The following DEPDC1B variants were observed in gnomAD, a reference collection of about 807,000 sequenced individuals.
DEPDC1B encodes DEP domain containing 1B.
DEPDC1B carries 51 observed loss-of-function variants against 66.5 expected under a neutral mutation model. That is an observed-to-expected ratio of 0.77 (90% CI 0.61 to 0.97). DEPDC1B has a LOEUF of 0.97. DEPDC1B is among the 50% of genes least tolerant of loss of function. The pLI is 0.00. For missense variants in DEPDC1B, 552 were observed against 637.1 expected (o/e 0.87, Z 1.44); for synonymous variants, 226 against 223.6 (o/e 1.01, Z -0.10).
intron 7 of DEPDC1B, among the ~76,000 whole-genome samples, chr5:60,634,417 A>AAAGG (rs1349287850): frequency 6.6e-6 from 1 of 152,222 alleles, no homozygotes; most frequent in Non-Finnish European, 1.5e-5. Context: ...TCATGCCTGT[A>AAAGG]ATCCCAGCAT....
At chr5:60,681,393 G>A (rs370846350) in intron 2 of DEPDC1B, among the ~76,000 whole-genome samples, 2 of 152,142 alleles carry the variant, frequency 1.3e-5, no homozygotes, top group Non-Finnish European at 2.9e-5. Flanking sequence ...AGACACCACT[G>A]GCATTGATTA....
chr5:60,694,561 T>C (rs146053697), intron 1 of DEPDC1B, among the ~76,000 whole-genome samples: 3 of 152,254 alleles, frequency 2.0e-5, no homozygotes, highest in Non-Finnish European at 4.4e-5. Context: ...CTAGATGTTA[T>C]CATTTCTTTC....
In DEPDC1B at chr5:60,687,196, T is replaced by C; in HGVS notation, c.80A>G (p.Lys27Arg). The C allele has an allele frequency of 3.7e-6, 6 of 1,612,776 alleles. No homozygotes were observed. The highest frequency in any genetic ancestry group is 5.1e-6 in the Non-Finnish European group (6 of 1,178,792). Residue 27 changes from lysine to arginine, a missense_variant, in exon 2 of 11, where the codon AAG (lysine) becomes AGG (arginine). Physicochemically the swap from Lys to Arg is conservative, Grantham distance 26 (BLOSUM62 2). Coordinates refer to ENST00000265036, the MANE Select transcript of DEPDC1B (RefSeq NM_018369.3). ...WNETVELFRAKMPLRKHRCRF... is the reference protein window; with the variant it reads ...WNETVELFRARMPLRKHRCRF... ...ACAGCGATGTTTCCGTAACGGCATC[T>C]TAGCACGAAAAAGCTCCACGGTCTC...
chr5:60,697,278 A>T (rs1489846082), intron 1 of DEPDC1B, among the ~76,000 whole-genome samples: 38 of 152,010 alleles, frequency 2.5e-4, no homozygotes, highest in Admixed American at 2.5e-3. Context: ...TTGGTGCTTT[A>T]GAAAAAGCAC....
At chr5:60,615,034 G>A (rs183076200) in intron 7 of DEPDC1B, among the ~76,000 whole-genome samples, 3 of 152,234 alleles carry the variant, frequency 2.0e-5, no homozygotes, top group South Asian at 4.2e-4. Context: ...GCTATTATGA[G>A]CAAAGTTATG....
intron 7 of DEPDC1B, among the ~76,000 whole-genome samples, chr5:60,607,967 A>G (rs1752343962): frequency 6.6e-6 from 1 of 152,178 alleles, no homozygotes; most frequent in Non-Finnish European, 1.5e-5. Context: ...TGTAGGCTAT[A>G]TCATTAAAGA....
chr5:60,664,272 A>G (rs1296101254), intron 2 of DEPDC1B, among the ~76,000 whole-genome samples: 2 of 152,242 alleles, frequency 1.3e-5, no homozygotes, highest in Non-Finnish European at 2.9e-5. Context: ...AAATTTATGT[A>G]GTGACAAAGG....
intron 3 of DEPDC1B, 79 bp downstream of exon 3, chr5:60,647,319 C>A: frequency 6.8e-7 from 1 of 1,481,336 alleles, no homozygotes; most frequent in South Asian, 1.5e-5. Flanking sequence ...CATAAAGGAC[C>A]ACAGAAAGAC....
At chr5:60,690,786 T>G (rs1754525332) in intron 1 of DEPDC1B, among the ~76,000 whole-genome samples, 1 of 152,068 alleles carries the variant, frequency 6.6e-6, no homozygotes, top group Non-Finnish European at 1.5e-5. Context: ...CCTTGGGTCA[T>G]GTTTTCCCTT....
chr5:60,629,121 T>C (rs575427866), intron 7 of DEPDC1B, among the ~76,000 whole-genome samples: 200 of 152,330 alleles, frequency 1.3e-3, no homozygotes, highest in African/African-American at 4.7e-3. Flanking sequence ...TCTGTACAGC[T>C]TCTCCGGGGA....
At chr5:60,602,875 C>T (rs1361043159) in intron 9 of DEPDC1B, among the ~76,000 whole-genome samples, 1 of 152,182 alleles carries the variant, frequency 6.6e-6, no homozygotes, top group African/African-American at 2.4e-5. Context: ...GGATTCATGG[C>T]TCTCATGCCA....
intron 7 of DEPDC1B, among the ~76,000 whole-genome samples, chr5:60,615,986 A>G (rs763948841): frequency 6.6e-6 from 1 of 152,194 alleles, no homozygotes; most frequent in Non-Finnish European, 1.5e-5. Context: ...CTGTTCACCA[A>G]TATCTGCTGT....
At chr5:60,617,835 A>C (rs557267137) in intron 7 of DEPDC1B, among the ~76,000 whole-genome samples, 10 of 152,310 alleles carry the variant, frequency 6.6e-5, no homozygotes, top group African/African-American at 2.4e-4. Flanking sequence ...CAGAATATAC[A>C]TTCTTCTCAG....
At chr5:60,697,576 T>TA (rs1245057708) in intron 1 of DEPDC1B, among the ~76,000 whole-genome samples, 1 of 152,174 alleles carries the variant, frequency 6.6e-6, no homozygotes, top group Non-Finnish European at 1.5e-5. Flanking sequence ...GGGAAACAAT[T>TA]ACAGACTTTA....
chr5:60,680,051 A>C (rs1009760296), intron 2 of DEPDC1B, among the ~76,000 whole-genome samples: 7 of 152,172 alleles, frequency 4.6e-5, no homozygotes, highest in Admixed American at 3.9e-4. Flanking sequence ...ATAAAGATTA[A>C]ATGACATCAC....
At chr5:60,623,840 C>T (rs1375917126) in intron 7 of DEPDC1B, among the ~76,000 whole-genome samples, 1 of 151,964 alleles carries the variant, frequency 6.6e-6, no homozygotes, top group Non-Finnish European at 1.5e-5. Flanking sequence ...TTTAGTTTTC[C>T]AATTGATTTT....
intron 7 of DEPDC1B, among the ~76,000 whole-genome samples, chr5:60,620,340 G>C (rs1752672736): frequency 6.6e-6 from 1 of 152,182 alleles, no homozygotes; most frequent in Admixed American, 6.5e-5. Context: ...ACTACCATCA[G>C]AGTGAACAAG....
chr5:60,638,965 T>G (rs1753124573), intron 6 of DEPDC1B, 75 bp from the exon 7 acceptor site: 1 of 1,527,278 alleles, frequency 6.5e-7, no homozygotes, highest in South Asian at 1.3e-5. Flanking sequence ...TGTGAATATG[T>G]GTGGCGTGTA....
intron 1 of DEPDC1B, among the ~76,000 whole-genome samples, chr5:60,695,778 AAGGG>A (rs1189453221): frequency 6.6e-6 from 1 of 152,144 alleles, no homozygotes; most frequent in Non-Finnish European, 1.5e-5. Context: ...TCTTCTTTGT[AAGGG>A]AATGTGAAAA....
Sources: allele counts gnomAD v4.1 joint callset (sites outside exome capture counted in the v4.1 genomes callset), GRCh38; gene constraint gnomAD v4.1.1; transcripts MANE v1.5; gene names NCBI Gene and HGNC (gene_info 2026-07-23, HGNC 2026-07-21).